Variants in PPFIBP2 observed in about 807,000 individuals in gnomAD.
PPFIBP2 encodes PPFIB scaffold protein 2, also known as liprin-beta-2.
PPFIBP2 carries 118 observed loss-of-function variants against 118.3 expected under a neutral mutation model. The observed-to-expected ratio is 1.00, with a 90% CI of 0.86 to 1.16. PPFIBP2 has a LOEUF of 1.16. Ranked by LOEUF, PPFIBP2 falls within the 50% of genes most tolerant of loss-of-function variation. The probability of loss-of-function intolerance (pLI) is 0.00; values close to 1 mark genes in which losing one functional copy is unlikely to be tolerated. For synonymous variants in PPFIBP2, 414 were observed against 397.4 expected (o/e 1.04, Z -0.50); for missense variants, 1,195 against 1,073.1 (o/e 1.11, Z -1.59).
intron 2 of PPFIBP2, among the ~76,000 whole-genome samples, chr11:7,563,270 C>T (rs530022837): frequency 6.6e-6 from 1 of 152,216 alleles, no homozygotes; most frequent in South Asian, 2.1e-4. Context: ...GATTACTTAG[C>T]AATGGTTTGG....
rs1853550959 is a variant in PPFIBP2, at chr11:7,648,905, G to T, written c.1903G>T (p.Val635Leu). 4.3e-6 allele frequency: 7 copies of T among 1,612,840 alleles called. No individual in the cohort carries two copies. Among genetic ancestry groups the T allele is most frequent in the Non-Finnish European group, 4.2e-6 (5 of 1,179,002 alleles). ...EKSALLDHIW[V>L]TRWLDDIGLP... ...GTCTGCACTGCTAGACCACATTTGG[G>T]TGACAAGTAAGGATAGGCATATATG... The change falls in exon 19 of 24, where the codon GTG becomes TTG. Residue 635 changes from valine to leucine, a missense_variant. Coordinates refer to ENST00000299492, the MANE Select transcript of PPFIBP2 (RefSeq NM_003621.5).
chr11:7,653,019 T>C lies in PPFIBP2; in HGVS notation c.2437-5T>C, dbSNP rs761156697. 1 of 1,604,492 alleles carries C rather than the reference T, an allele frequency of 6.2e-7. No homozygotes were observed. Among genetic ancestry groups the C allele is most frequent in the South Asian group, 1.1e-5 (1 of 90,316 alleles). On this transcript the variant is annotated splice_region_variant and splice_polypyrimidine_tract_variant and intron_variant, in intron 23 of 23. Coordinates refer to ENST00000299492, the MANE Select transcript of PPFIBP2 (RefSeq NM_003621.5). Reference sequence around the variant, plus strand: ...TCTCATAATCTTGCATTTTCTGTGTTTTAGCCAAGGAAACTAGGATTTTCA... The same window carrying C: ...TCTCATAATCTTGCATTTTCTGTGTCTTAGCCAAGGAAACTAGGATTTTCA...
chr11:7,640,938 T>C (rs1852093810), intron 15 of PPFIBP2: 1 of 1,028,916 alleles, frequency 9.7e-7, no homozygotes. Flanking sequence ...TGACACTCTT[T>C]TGTTTATTTC....
intron 4 of PPFIBP2, chr11:7,597,145 T>C: frequency 7.0e-7 from 1 of 1,438,002 alleles, no homozygotes; most frequent in Non-Finnish European, 9.1e-7. Flanking sequence ...GTAAGGTCAT[T>C]GGTTAGTTTC....
chr11:7,575,430 C>G (rs1316132643), intron 3 of PPFIBP2, among the ~76,000 whole-genome samples: 2 of 152,126 alleles, frequency 1.3e-5, no homozygotes, highest in African/African-American at 2.4e-5. Flanking sequence ...GCCACATTGG[C>G]CACCTTTCTC....
chr11:7,632,994 C>A, intron 12 of PPFIBP2, 60 bp downstream of exon 12: 1 of 1,474,906 alleles, frequency 6.8e-7, no homozygotes, highest in South Asian at 1.1e-5. Flanking sequence ...TTGGGGCTGC[C>A]GAAGTAGATG....
chr11:7,536,846 A>C (rs1012474052), intron 1 of PPFIBP2, among the ~76,000 whole-genome samples: 1 of 152,076 alleles, frequency 6.6e-6, no homozygotes, highest in African/African-American at 2.4e-5. Context: ...AGGACTCTAC[A>C]CTCTGATGAA....
downstream of PPFIBP2, among the ~76,000 whole-genome samples, chr11:7,661,513 T>C (rs1164417216): frequency 6.8e-6 from 1 of 147,238 alleles, no homozygotes; most frequent in African/African-American, 2.5e-5. Flanking sequence ...GTCTGAGAGA[T>C]AGTTTGTTAT....
At chr11:7,589,748 A>C (rs1464304752) in intron 3 of PPFIBP2, among the ~76,000 whole-genome samples, 4 of 152,186 alleles carry the variant, frequency 2.6e-5, no homozygotes, top group Non-Finnish European at 4.4e-5. Flanking sequence ...TCTATCGCTG[A>C]CTTACCTAAT....
chr11:7,522,145 G>A (rs2134262403), intron 1 of PPFIBP2, among the ~76,000 whole-genome samples: 1 of 152,308 alleles, frequency 6.6e-6, no homozygotes, highest in South Asian at 2.1e-4. Context: ...ACCCACTGAG[G>A]TAGCTCAGGA....
At chr11:7,542,814 A>ATG (rs1851933692) in intron 1 of PPFIBP2, among the ~76,000 whole-genome samples, 2 of 152,122 alleles carry the variant, frequency 1.3e-5, no homozygotes, top group Non-Finnish European at 2.9e-5. Flanking sequence ...TTTTGAGTTT[A>ATG]TGTCTCTCTT....
chr11:7,541,890 ACT>A (rs1211682534), intron 1 of PPFIBP2, among the ~76,000 whole-genome samples: 1 of 151,834 alleles, frequency 6.6e-6, no homozygotes, highest in Admixed American at 6.6e-5. Flanking sequence ...GGCACACTTG[ACT>A]CTGCTCTCTC....
chr11:7,514,716 C>T (rs565649426), intron 1 of PPFIBP2, among the ~76,000 whole-genome samples: 1 of 152,350 alleles, frequency 6.6e-6, no homozygotes, highest in East Asian at 1.9e-4. Context: ...CCCTCCTCAC[C>T]TCATCACATC....
intron 23 of PPFIBP2, among the ~76,000 whole-genome samples, chr11:7,652,350 G>C (rs1854166912): frequency 6.6e-6 from 1 of 152,170 alleles, no homozygotes; most frequent in South Asian, 2.1e-4. Flanking sequence ...CTACTCACTG[G>C]GGCTCCCAGA....
chr11:7,533,985 A>G (rs1267676113), intron 1 of PPFIBP2, among the ~76,000 whole-genome samples: 1 of 152,236 alleles, frequency 6.6e-6, no homozygotes, highest in East Asian at 1.9e-4. Context: ...ATTGCAGGGA[A>G]GTTGGCTAGA....
At chr11:7,610,653 C>G in intron 6 of PPFIBP2, 4 of 438,944 alleles carry the variant, frequency 9.1e-6, no homozygotes, top group Non-Finnish European at 1.6e-5. Context: ...TGCCCTCAAA[C>G]TGCTGACAAG....
chr11:7,602,002 A>G (rs1487025821), intron 5 of PPFIBP2, among the ~76,000 whole-genome samples: 1 of 149,300 alleles, frequency 6.7e-6, no homozygotes. Flanking sequence ...CTGAGTCAGG[A>G]GAATCGCTGG....
At chr11:7,639,320 A>G (rs1157050806) in intron 14 of PPFIBP2, among the ~76,000 whole-genome samples, 1 of 152,218 alleles carries the variant, frequency 6.6e-6, no homozygotes, top group African/African-American at 2.4e-5. Flanking sequence ...ATATATATGT[A>G]TGTATGTATG....
rs150692656 is a variant in PPFIBP2, at chr11:7,653,561, G to A, written c.*343G>A. 1 of 1,313,394 alleles carries A rather than the reference G, an allele frequency of 7.6e-7. No homozygotes were observed. The highest frequency in any genetic ancestry group is 1.5e-5 in the African/African-American group (1 of 66,978). The allele number at this position is 1,313,394 out of a possible 1,614,324, so 81.4% of individuals were successfully genotyped here. A position where few individuals can be genotyped will look rare whatever the true frequency, so the allele number is the denominator to read the frequency against. ...CAGAGACCATGGACACTCCCACGAG[G>A]CTCAGCTCTCAGGCACCCCCTACAC... is the stretch of plus-strand genomic sequence containing the variant. On this transcript the variant is annotated 3_prime_UTR_variant, in exon 24 of 24. Coordinates refer to ENST00000299492, the MANE Select transcript of PPFIBP2 (RefSeq NM_003621.5).
Sources: allele counts gnomAD v4.1 joint callset (sites outside exome capture counted in the v4.1 genomes callset), GRCh38; gene constraint gnomAD v4.1.1; transcripts MANE v1.5; gene names NCBI Gene and HGNC (gene_info 2026-07-23, HGNC 2026-07-21).